Variants in MTA3 observed in about 807,000 individuals in gnomAD.
The protein encoded by MTA3 is metastasis-associated protein MTA3.
A neutral mutation model predicts 83.5 loss-of-function variants in MTA3; 34 were observed. The ratio of observed to expected loss-of-function variants is 0.41; its 90% confidence interval spans 0.31 to 0.54. The LOEUF (loss-of-function observed/expected upper bound fraction) is 0.54, where lower values mean the gene tolerates loss of function less well. Among genes scored for constraint, MTA3 ranks in the 20% least tolerant of loss-of-function variants. The probability of loss-of-function intolerance (pLI) is 0.33; values close to 1 mark genes in which losing one functional copy is unlikely to be tolerated. For synonymous variants in MTA3, 303 were observed against 252.7 expected (o/e 1.20, Z -1.89); for missense variants, 761 against 726.4 (o/e 1.05, Z -0.55).
At chr2:42,534,790 T>C (rs62144828) in intron 2 of MTA3, among the ~76,000 whole-genome samples, 123,610 of 151,936 alleles carry the variant, frequency 0.81, 50,947 homozygotes, top group African/African-American at 0.94. Flanking sequence ...ATTAGCGTTG[T>C]GTGGATTCCT....
intron 9 of MTA3, among the ~76,000 whole-genome samples, chr2:42,692,518 G>C (rs945181415): frequency 1.3e-5 from 2 of 150,776 alleles, no homozygotes; most frequent in African/African-American, 4.9e-5. Flanking sequence ...TCCACCTCCC[G>C]GGTTCAAGCA....
At chr2:42,524,484 T>TG (rs1030687740) in intron 2 of MTA3, among the ~76,000 whole-genome samples, 41 of 95,400 alleles carry the variant, frequency 4.3e-4, no homozygotes, top group South Asian at 1.1e-3. Flanking sequence ...TTTTTTTTTT[T>TG]TTTTTTTTTT....
chr2:42,632,990 C>T (rs1686829708), intron 4 of MTA3, among the ~76,000 whole-genome samples: 2 of 150,944 alleles, frequency 1.3e-5, no homozygotes. Context: ...TACAGTCGGG[C>T]ATGGTGGCTT....
chr2:42,568,595 C>T (rs1286163406), upstream of MTA3: 2 of 288,456 alleles, frequency 6.9e-6, no homozygotes, highest in African/African-American at 2.3e-5. Flanking sequence ...TTTACTTCCC[C>T]CACCCCCTGT....
chr2:42,643,029 G>GTT (rs1687833925), intron 5 of MTA3, among the ~76,000 whole-genome samples: 1 of 81,036 alleles, frequency 1.2e-5, no homozygotes, highest in African/African-American at 7.2e-5. Context: ...TCACATATTG[G>GTT]TGTCTCCCCC....
At chr2:42,576,145 T>G (rs1024960009) in intron 2 of MTA3, among the ~76,000 whole-genome samples, 6 of 152,198 alleles carry the variant, frequency 3.9e-5, no homozygotes, top group African/African-American at 1.4e-4. Context: ...GAACAAGATG[T>G]ACATGGTCTC....
Position 42,754,375 on chromosome 2 carries a change from C to T in MTA3, c.*976C>T. On this transcript the variant is annotated 3_prime_UTR_variant, in exon 17 of 17. Transcript: ENST00000405094. ...GAGTCTGTGTGGCCAACCCCATGAC[C>T]CCCACCCCTCCAGCCCAACATCTTG... The T allele has an allele frequency of 2.0e-6, 2 of 985,478 alleles. No individual in the cohort carries two copies. Among genetic ancestry groups the T allele is most frequent in the Non-Finnish European group, 2.4e-6 (2 of 830,024 alleles). The allele number at this position is 985,478 out of a possible 1,614,324, so 61.0% of individuals were successfully genotyped here. A position where few individuals can be genotyped will look rare whatever the true frequency, so the allele number is the denominator to read the frequency against.
intron 6 of MTA3, among the ~76,000 whole-genome samples, chr2:42,649,622 G>T (rs1166427458): frequency 6.6e-6 from 1 of 152,196 alleles, no homozygotes; most frequent in African/African-American, 2.4e-5. Context: ...TCACAGATAA[G>T]GAGAGTTTAA....
At chr2:42,729,524 A>G (rs1265492168) in intron 16 of MTA3, among the ~76,000 whole-genome samples, 1 of 152,198 alleles carries the variant, frequency 6.6e-6, no homozygotes, top group Non-Finnish European at 1.5e-5. Context: ...AGTGCCATTT[A>G]TTGAAGAGAC....
intron 11 of MTA3, among the ~76,000 whole-genome samples, chr2:42,701,893 C>T (rs1042503050): frequency 2.8e-5 from 4 of 140,422 alleles, no homozygotes; most frequent in Non-Finnish European, 4.6e-5. Context: ...CCAGCCTGGG[C>T]GAAAGAGTGA....
chr2:42,752,042 A>G lies in MTA3; in HGVS notation c.1760-1332A>G, dbSNP rs184376217. ...AGCTTACTTACTGTGACCTTGAGCA[A>G]GTTCTTAACCTTTCTGACACTCCCA... On this transcript the variant is annotated intron_variant, in intron 16 of 16. Transcript: ENST00000405094. Among the ~76,000 whole-genome samples, 3 of 152,338 alleles carry G rather than the reference A, an allele frequency of 2.0e-5. No homozygotes were observed. The East Asian group carries it at 5.8e-4, about 29-fold the overall frequency.
At chr2:42,646,491 G>GA (rs1688199556) in intron 6 of MTA3, among the ~76,000 whole-genome samples, 1 of 152,242 alleles carries the variant, frequency 6.6e-6, no homozygotes, top group East Asian at 1.9e-4. Flanking sequence ...TTGATAGGAG[G>GA]AGGTCAAAAT....
intron 8 of MTA3, among the ~76,000 whole-genome samples, chr2:42,676,698 A>G (rs1031361704): frequency 2.0e-5 from 3 of 152,170 alleles, no homozygotes; most frequent in Admixed American, 6.5e-5. Flanking sequence ...CCCAGGAGGC[A>G]GATGTTGCAG....
At chr2:42,543,216 C>T (rs1233778187) in intron 2 of MTA3, among the ~76,000 whole-genome samples, 13 of 151,976 alleles carry the variant, frequency 8.6e-5, no homozygotes, top group African/African-American at 2.9e-4. Context: ...CTCCCTCTGT[C>T]GCCCAGGCTG....
chr2:42,538,676 C>G (rs1403657459), intron 2 of MTA3, among the ~76,000 whole-genome samples: 2 of 146,042 alleles, frequency 1.4e-5, no homozygotes, highest in African/African-American at 5.1e-5. Flanking sequence ...CCACTGCATT[C>G]CAGCCTGGGC....
intron 3 of MTA3, among the ~76,000 whole-genome samples, chr2:42,588,144 A>G (rs544943671): frequency 4.1e-4 from 62 of 152,276 alleles, no homozygotes; most frequent in Middle Eastern, 3.4e-3. Flanking sequence ...TCTCACTCCA[A>G]TTAGCTTAAT....
At chr2:42,594,241 C>T (rs1681402561) in intron 3 of MTA3, among the ~76,000 whole-genome samples, 1 of 60,772 alleles carries the variant, frequency 1.6e-5, no homozygotes, top group Non-Finnish European at 2.8e-5. Flanking sequence ...ATGCGCCAGG[C>T]CCCTTTTTTT....
intron 16 of MTA3, among the ~76,000 whole-genome samples, chr2:42,743,403 G>T (rs141458934): frequency 6.6e-6 from 1 of 152,136 alleles, no homozygotes; most frequent in East Asian, 1.9e-4. Flanking sequence ...TTTTGTCTCA[G>T]GGGTACTGAA....
intron 6 of MTA3, among the ~76,000 whole-genome samples, chr2:42,655,341 T>C (rs1217937204): frequency 6.6e-6 from 1 of 152,206 alleles, no homozygotes; most frequent in Non-Finnish European, 1.5e-5. Context: ...GAGCTACTTT[T>C]CTATGACATT....
Sources: allele counts gnomAD v4.1 joint callset (sites outside exome capture counted in the v4.1 genomes callset), GRCh38; gene constraint gnomAD v4.1.1; transcripts MANE v1.5; gene names NCBI Gene and HGNC (gene_info 2026-07-23, HGNC 2026-07-21).